SEMA3A: variants seen among roughly 807,000 people sequenced by gnomAD.
SEMA3A encodes semaphorin 3A.
SEMA3A carries 29 observed loss-of-function variants against 97.9 expected under a neutral mutation model. The ratio of observed to expected loss-of-function variants is 0.30; its 90% CI spans 0.22 to 0.40. The LOEUF is 0.40. SEMA3A is among the 10% of genes least tolerant of loss of function. SEMA3A has a pLI of 1.00. For missense variants in SEMA3A, 763 were observed against 951.3 expected (o/e 0.80, Z 2.60); for synonymous variants, 321 against 323.7 (o/e 0.99, Z 0.09).
At chr7:84,467,221 A>G (rs950569913) in intron 1 of SEMA3A, among the ~76,000 whole-genome samples, 5 of 152,124 alleles carry the variant, frequency 3.3e-5, no homozygotes, top group Admixed American at 3.3e-4. Context: ...ATAAATGATT[A>G]AAGTAGAAAT....
chr7:84,147,471 C>T (rs1796495732), intron 1 of SEMA3A, among the ~76,000 whole-genome samples: 1 of 152,044 alleles, frequency 6.6e-6, no homozygotes, highest in African/African-American at 2.4e-5. Context: ...ATGGGTGTCC[C>T]TTTTTTATGT....
At chr7:84,169,552 T>C (rs115380505) in intron 1 of SEMA3A, among the ~76,000 whole-genome samples, 2,763 of 148,982 alleles carry the variant, frequency 0.019, 80 homozygotes, top group African/African-American at 0.063. Flanking sequence ...CTATATATAA[T>C]AATAATTATA....
chr7:84,403,187 C>T (rs1284026560), intron 1 of SEMA3A, among the ~76,000 whole-genome samples: 1 of 152,116 alleles, frequency 6.6e-6, no homozygotes, highest in Non-Finnish European at 1.5e-5. Context: ...AAAATCAGGT[C>T]ACTCCCACCC....
chr7:84,414,733 A>AC (rs1804385352), intron 1 of SEMA3A, among the ~76,000 whole-genome samples: 1 of 152,078 alleles, frequency 6.6e-6, no homozygotes, highest in Admixed American at 6.6e-5. Context: ...ATCATGAAAA[A>AC]CAAAAAAAAG....
intron 4 of SEMA3A, among the ~76,000 whole-genome samples, chr7:84,062,444 G>A (rs2691701): frequency 0.18 from 27,470 of 152,192 alleles, 2,608 homozygotes; most frequent in South Asian, 0.26. Context: ...GAACAGCTCC[G>A]GTCTACGGCT....
intron 1 of SEMA3A, among the ~76,000 whole-genome samples, chr7:84,378,807 G>A (rs1424486264): frequency 1.3e-5 from 2 of 151,912 alleles, no homozygotes; most frequent in Non-Finnish European, 2.9e-5. Context: ...ATGTAAATTG[G>A]AAGATTTTAT....
intron 2 of SEMA3A, among the ~76,000 whole-genome samples, chr7:84,368,197 G>T (rs1003453926): frequency 4.0e-5 from 6 of 151,014 alleles, no homozygotes; most frequent in Admixed American, 4.0e-4. Flanking sequence ...TTTAAAAATG[G>T]TCTGCAGATT....
intron 1 of SEMA3A, among the ~76,000 whole-genome samples, chr7:84,453,319 T>C (rs2116370246): frequency 6.6e-6 from 1 of 150,522 alleles, no homozygotes; most frequent in South Asian, 2.1e-4. Context: ...CACTGCAGGC[T>C]CCGCCCCCTG....
At chr7:84,313,872 G>A (rs1381950855) in intron 2 of SEMA3A, among the ~76,000 whole-genome samples, 1 of 151,902 alleles carries the variant, frequency 6.6e-6, no homozygotes. Context: ...TTCCTCCTCT[G>A]TGGTCTTAAT....
chr7:84,017,418 G>A (rs1584551116), intron 6 of SEMA3A, among the ~76,000 whole-genome samples: 1 of 151,994 alleles, frequency 6.6e-6, no homozygotes, highest in East Asian at 1.9e-4. Flanking sequence ...CTAGTTTCAG[G>A]TACAGCCAAA....
intron 4 of SEMA3A, among the ~76,000 whole-genome samples, chr7:84,106,802 G>A (rs539589688): frequency 2.0e-5 from 3 of 152,218 alleles, no homozygotes; most frequent in Non-Finnish European, 2.9e-5. Context: ...AAAACAGAAT[G>A]TAAGATGATT....
chr7:83,967,685 G>A (rs769892462), intron 15 of SEMA3A, among the ~76,000 whole-genome samples: 4 of 152,316 alleles, frequency 2.6e-5, no homozygotes, highest in South Asian at 2.1e-4. Flanking sequence ...AATCTGGGAA[G>A]CGGAGGTTGC....
intron 3 of SEMA3A, among the ~76,000 whole-genome samples, chr7:84,204,298 T>A (rs1460436515): frequency 6.6e-6 from 1 of 152,178 alleles, no homozygotes; most frequent in Non-Finnish European, 1.5e-5. Flanking sequence ...TTTGTAGCAA[T>A]ATAATATAAA....
chr7:84,136,426 A>G (rs35789545), intron 1 of SEMA3A, among the ~76,000 whole-genome samples: 33,280 of 152,030 alleles, frequency 0.22, 3,717 homozygotes, highest in South Asian at 0.26. Context: ...TATCATTTAA[A>G]TTTAGACCCT....
intron 1 of SEMA3A, among the ~76,000 whole-genome samples, chr7:84,166,357 A>T (rs1797205648): frequency 6.6e-6 from 1 of 150,836 alleles, no homozygotes; most frequent in African/African-American, 2.4e-5. Flanking sequence ...GCAGATCAGG[A>T]GGTCAAGAGA....
intron 1 of SEMA3A, among the ~76,000 whole-genome samples, chr7:84,448,404 T>A (rs978378731): frequency 6.6e-6 from 1 of 152,064 alleles, no homozygotes; most frequent in African/African-American, 2.4e-5. Flanking sequence ...ATGCTAAAAA[T>A]TTCACAAAAA....
chr7:84,311,602 C>T (rs1373101445), intron 2 of SEMA3A, among the ~76,000 whole-genome samples: 2 of 151,910 alleles, frequency 1.3e-5, no homozygotes, highest in Non-Finnish European at 2.9e-5. Flanking sequence ...TTGATATATA[C>T]ATTAGGCACC....
chr7:84,228,845 T>G (rs1000453316), intron 3 of SEMA3A, among the ~76,000 whole-genome samples: 18 of 152,120 alleles, frequency 1.2e-4, no homozygotes, highest in Non-Finnish European at 1.8e-4. Context: ...GTCCTATGGT[T>G]GATCATGGTG....
chr7:84,153,078 T>G (rs988454879), intron 1 of SEMA3A, among the ~76,000 whole-genome samples: 6 of 152,154 alleles, frequency 3.9e-5, no homozygotes, highest in African/African-American at 1.2e-4. Context: ...CTTAATGACT[T>G]TCACCTCATT....
Sources: gnomAD v4.1 joint callset for allele counts (sites outside exome capture counted in the v4.1 genomes callset) on GRCh38, gnomAD v4.1.1 for gene constraint, MANE v1.5 for transcripts, NCBI Gene and HGNC (gene_info 2026-07-23, HGNC 2026-07-21) for gene names.